Variants in GLT1D1 observed in about 807,000 individuals in gnomAD.
GLT1D1 encodes glycosyltransferase 1 domain containing 1.
In GLT1D1, 21 loss-of-function variants were observed where a neutral mutation model predicts 28.7. The ratio of observed to expected loss-of-function variants is 0.73; its 90% CI spans 0.52 to 1.05. The LOEUF (loss-of-function observed/expected upper bound fraction) is 1.05, where lower values mean the gene tolerates loss of function less well. Ranked by LOEUF, GLT1D1 falls within the 50% of genes least tolerant of loss-of-function variation. The pLI is 0.00. For missense variants in GLT1D1, 343 were observed against 330.6 expected, an observed-to-expected ratio of 1.04 and a Z score of -0.29; for synonymous variants, 147 against 124.8, an observed-to-expected ratio of 1.18 and a Z score of -1.19.
At chr12:128,881,571 T>TATATATATATATATAA (rs1957060588) in intron 2 of GLT1D1, among the ~76,000 whole-genome samples, 1 of 90,356 alleles carries the variant, frequency 1.1e-5, no homozygotes, top group Non-Finnish European at 2.0e-5. Context: ...AATATATATA[T>TATATATATATATATAA]ATATATATAT....
At chr12:128,898,430 G>A (rs1246833816) in intron 3 of GLT1D1, among the ~76,000 whole-genome samples, 1 of 152,138 alleles carries the variant, frequency 6.6e-6, no homozygotes, top group Admixed American at 6.5e-5. Flanking sequence ...TCCTGCCTCA[G>A]CCTCCCAAAG....
At chr12:128,873,287 G>A in intron 1 of GLT1D1, among the ~76,000 whole-genome samples, 1 of 152,116 alleles carries the variant, frequency 6.6e-6, no homozygotes, top group East Asian at 1.9e-4. Flanking sequence ...ATACCCAAAA[G>A]TATTCTTCAC....
Position 128,935,864 on chromosome 12 carries a change from C to T in GLT1D1, c.376-9462C>T, listed in dbSNP as rs114884684. Among the ~76,000 whole-genome samples, 704 of 152,284 alleles carry T rather than the reference C, an allele frequency of 4.6e-3. 3 individuals carry two copies. Among genetic ancestry groups the T allele is most frequent in the African/African-American group, 0.016 (655 of 41,550 alleles). On this transcript the variant is annotated intron_variant, in intron 4 of 7. Coordinates refer to ENST00000281703, the MANE Select transcript of GLT1D1 (RefSeq NM_144669.3). ...GGGTTGTAGTCCCGTACGAAATCCA[C>T]GCAATCATTCAATGCTAACCGCTGG...
intron 1 of GLT1D1, among the ~76,000 whole-genome samples, chr12:128,859,338 G>A (rs1026377643): frequency 3.9e-5 from 6 of 152,176 alleles, no homozygotes; most frequent in Admixed American, 3.3e-4. Flanking sequence ...TGAGAGTCAC[G>A]CAGCCTTCAC....
chr12:128,934,592 A>G (rs566952125), intron 4 of GLT1D1, among the ~76,000 whole-genome samples: 1 of 152,222 alleles, frequency 6.6e-6, no homozygotes, highest in African/African-American at 2.4e-5. Flanking sequence ...GGAGGTCCCA[A>G]TGAAGAAACC....
intron 4 of GLT1D1, among the ~76,000 whole-genome samples, chr12:128,934,453 C>T (rs1362910598): frequency 6.6e-6 from 1 of 152,210 alleles, no homozygotes; most frequent in African/African-American, 2.4e-5. Context: ...CTCGGCCTCC[C>T]AAAGTGTTAG....
chr12:128,872,845 C>G (rs1391883176), intron 1 of GLT1D1, among the ~76,000 whole-genome samples: 1 of 151,924 alleles, frequency 6.6e-6, no homozygotes, highest in African/African-American at 2.4e-5. Context: ...GCTCGTGTGT[C>G]TCTTTCTTTC....
intron 4 of GLT1D1, among the ~76,000 whole-genome samples, chr12:128,908,809 C>G (rs1176219502): frequency 6.6e-6 from 1 of 151,964 alleles, no homozygotes; most frequent in African/African-American, 2.4e-5. Context: ...ATTAGCCGGG[C>G]GTGGTGACGG....
At chr12:128,869,435 G>T (rs1285368304) in intron 1 of GLT1D1, among the ~76,000 whole-genome samples, 1 of 152,058 alleles carries the variant, frequency 6.6e-6, no homozygotes, top group Admixed American at 6.6e-5. Flanking sequence ...CTCCTAAAGT[G>T]CTGGGATTAT....
intron 3 of GLT1D1, among the ~76,000 whole-genome samples, chr12:128,892,689 T>A (rs937978175): frequency 4.6e-5 from 7 of 152,216 alleles, no homozygotes; most frequent in South Asian, 2.1e-4. Context: ...TCTAGCTTTA[T>A]AATGAGTATT....
rs375582273 is a variant in GLT1D1 at position 128,970,376 on chromosome 12, G to A, written c.640-12553G>A. Among the ~76,000 whole-genome samples, 26 of 152,294 alleles carry A rather than the reference G, an allele frequency of 1.7e-4. 1 individual carries two copies. The highest frequency in any genetic ancestry group is 3.9e-4 in the Admixed American group (6 of 15,300). On this transcript the variant is annotated intron_variant, in intron 7 of 7. Transcript: ENST00000281703. The stretch of plus-strand genomic sequence containing the variant: ...CTTCTCCTGAGCTCTGTCTGCAAAC[G>A]CAGCTGGACCCCATCTCCACTGCAC...
At chr12:128,922,082 C>T (rs1449316139) in intron 4 of GLT1D1, among the ~76,000 whole-genome samples, 3 of 151,748 alleles carry the variant, frequency 2.0e-5, no homozygotes, top group Non-Finnish European at 4.4e-5. Flanking sequence ...GATGTTTCTC[C>T]CTTCTCAGTG....
intron 4 of GLT1D1, among the ~76,000 whole-genome samples, chr12:128,928,612 GTTT>G (rs966874574): frequency 2.1e-5 from 3 of 143,932 alleles, no homozygotes; most frequent in African/African-American, 7.6e-5. Flanking sequence ...CGTGTTTGTG[GTTT>G]TTTTTTTTCT....
Position 128,941,540 on chromosome 12 carries a change from T to C in GLT1D1, c.376-3786T>C, listed in dbSNP as rs138028615. ...GAGTCTATATGTATTCTTTGGAACATTCTGTCTCTTCTTTCTCTCTCTCTT... is the reference window on the plus strand; with the variant it reads ...GAGTCTATATGTATTCTTTGGAACACTCTGTCTCTTCTTTCTCTCTCTCTT... On this transcript the variant is annotated intron_variant, in intron 4 of 7. Coordinates refer to ENST00000281703, the MANE Select transcript of GLT1D1 (RefSeq NM_144669.3). Among the ~76,000 whole-genome samples, 814 of 151,820 alleles carry C rather than the reference T, an allele frequency of 5.4e-3. 12 individuals are homozygous for C. Among genetic ancestry groups the C allele is most frequent in the African/African-American group, 0.019 (772 of 41,278 alleles).
chr12:128,886,143 A>C (rs189157938), intron 2 of GLT1D1, among the ~76,000 whole-genome samples: 92 of 152,318 alleles, frequency 6.0e-4, no homozygotes, highest in African/African-American at 2.1e-3. Flanking sequence ...TTTTGCCATG[A>C]TTGGGAGGTC....
At chr12:128,914,366 C>T (rs892678) in intron 4 of GLT1D1, among the ~76,000 whole-genome samples, 6,541 of 152,120 alleles carry the variant, frequency 0.043, 437 homozygotes, top group African/African-American at 0.15. Context: ...CCCGTTTGGG[C>T]CTGTCATGGA....
intron 1 of GLT1D1, 133 bp from the exon 2 acceptor site, chr12:128,875,781 C>A: frequency 1.2e-6 from 1 of 856,630 alleles, no homozygotes; most frequent in Non-Finnish European, 1.8e-6. Context: ...GCCTGGGCAA[C>A]ATGAGTGAAA....
intron 3 of GLT1D1, among the ~76,000 whole-genome samples, chr12:128,896,307 A>G (rs1869616533): frequency 6.6e-6 from 1 of 152,168 alleles, no homozygotes; most frequent in South Asian, 2.1e-4. Context: ...GAAGTCTTGA[A>G]AGATTGTAAG....
chr12:128,881,534 GAAAAAAA>G (rs1161429342), intron 2 of GLT1D1, among the ~76,000 whole-genome samples: 4 of 23,906 alleles, frequency 1.7e-4, no homozygotes, highest in African/African-American at 4.8e-4. Context: ...ACTCTGTATC[GAAAAAAA>G]AAAAAAAAAA....
Sources: allele counts gnomAD v4.1 joint callset (sites outside exome capture counted in the v4.1 genomes callset), GRCh38; gene constraint gnomAD v4.1.1; transcripts MANE v1.5; gene names NCBI Gene and HGNC (gene_info 2026-07-23, HGNC 2026-07-21).